The following EXOC4 variants were observed in gnomAD, a reference collection of about 807,000 sequenced individuals.
EXOC4 encodes the protein SEC8-like 1.
Under a neutral mutation model 107.2 loss-of-function variants are expected in EXOC4, and 71 were observed. The observed-to-expected ratio is 0.66, with a 90% confidence interval of 0.55 to 0.81. The LOEUF (loss-of-function observed/expected upper bound fraction) is 0.81. EXOC4 is among the 30% of genes least tolerant of loss of function. EXOC4 has a pLI of 0.00. For synonymous variants in EXOC4, 456 were observed against 441.2 expected (o/e 1.03, Z -0.42); for missense variants, 1,108 against 1,189.6 (o/e 0.93, Z 1.01).
At chr7:134,040,457 G>A (rs571571680) in intron 17 of EXOC4, among the ~76,000 whole-genome samples, 5 of 151,990 alleles carry the variant, frequency 3.3e-5, no homozygotes, top group Non-Finnish European at 7.4e-5. Flanking sequence ...AAAACACATC[G>A]CACTCCCACC....
intron 17 of EXOC4, among the ~76,000 whole-genome samples, chr7:134,026,793 G>T (rs896392771): frequency 6.7e-6 from 1 of 150,296 alleles, no homozygotes; most frequent in African/African-American, 2.5e-5. Flanking sequence ...TTTGAAAAAG[G>T]TAAGATTTAG....
chr7:133,736,243 T>C (rs1795442793), intron 10 of EXOC4, among the ~76,000 whole-genome samples: 1 of 152,236 alleles, frequency 6.6e-6, no homozygotes, highest in East Asian at 1.9e-4. Context: ...AACAGTAGGC[T>C]GTGTTCCTTT....
chr7:134,077,932 G>A, the EXOC4 span, among the ~76,000 whole-genome samples: 1 of 152,180 alleles, frequency 6.6e-6, no homozygotes, highest in Non-Finnish European at 1.5e-5. Flanking sequence ...TAAAACAAAG[G>A]AAAATTTGTT....
rs74870771 is a variant in EXOC4, at chr7:133,956,267, A to G, written c.2206+18198A>G. Among the ~76,000 whole-genome samples the G allele has an allele frequency of 4.3e-3, 658 of 152,312 alleles. 6 individuals are homozygous for G. The highest frequency in any genetic ancestry group is 0.017 in the Middle Eastern group (5 of 294). On this transcript the variant is annotated intron_variant, in intron 14 of 17. Transcript: ENST00000253861. ...CATAATTAGGAGTTTAGCAGTCTCC[A>G]GATTCTTTCCATAAAACTTAAAGTA... is the stretch of plus-strand genomic sequence containing the variant.
intron 5 of EXOC4, among the ~76,000 whole-genome samples, chr7:133,339,544 A>C (rs577588149): frequency 6.6e-6 from 1 of 152,202 alleles, no homozygotes; most frequent in South Asian, 2.1e-4. Context: ...AGTTCTGTGA[A>C]GAATGATGGT....
At chr7:133,995,029 A>G (rs950032649) in intron 14 of EXOC4, among the ~76,000 whole-genome samples, 1 of 152,126 alleles carries the variant, frequency 6.6e-6, no homozygotes, top group Admixed American at 6.5e-5. Context: ...ATAATTTTTC[A>G]TGTTGCTTTA....
chr7:134,079,450 C>T, the EXOC4 span, among the ~76,000 whole-genome samples: 1 of 152,040 alleles, frequency 6.6e-6, no homozygotes, highest in Non-Finnish European at 1.5e-5. Flanking sequence ...CCCATAAAGT[C>T]TTACCAGCCC....
intron 13 of EXOC4, among the ~76,000 whole-genome samples, chr7:133,919,527 A>G (rs1437149123): frequency 6.6e-6 from 1 of 152,036 alleles, no homozygotes; most frequent in South Asian, 2.1e-4. Context: ...TGTTCCTCCT[A>G]TTCATCCCTC....
chr7:133,855,104 A>AATATATATAAATAT lies in EXOC4; in HGVS notation c.1734+37584_1734+37597dup, dbSNP rs1242512444. On this transcript the variant is annotated intron_variant, in intron 11 of 17. Coordinates refer to ENST00000253861, the MANE Select transcript of EXOC4 (RefSeq NM_021807.4). Reference sequence around the variant, plus strand: ...CTAAATATATATAAATATATATATAAATATATATAAATATATATATATAAA... The same window carrying AATATATATAAATAT: ...CTAAATATATATAAATATATATATAAATATATATAAATATATATATATAAATATATATATATAAA... Among the ~76,000 whole-genome samples, 3 of 61,908 alleles carry AATATATATAAATAT rather than the reference A, an allele frequency of 4.8e-5. No homozygotes were observed. The South Asian group carries it at 1.2e-3, about 26-fold the overall frequency. The allele number at this position is 61,908 out of a possible 152,430, so 40.6% of individuals were successfully genotyped here.
chr7:133,947,651 C>A (rs1446185053), intron 14 of EXOC4, among the ~76,000 whole-genome samples: 6 of 152,142 alleles, frequency 3.9e-5, no homozygotes, highest in Admixed American at 1.3e-4. Flanking sequence ...CAGTACCCCA[C>A]CCCCCTCCGT....
At chr7:133,640,291 C>T (rs926733001) in intron 10 of EXOC4, among the ~76,000 whole-genome samples, 23 of 152,116 alleles carry the variant, frequency 1.5e-4, no homozygotes, top group Non-Finnish European at 2.6e-4. Context: ...TAAATGGAAT[C>T]ATATAGTATG....
At chr7:133,928,304 T>G (rs1055766287) in intron 13 of EXOC4, among the ~76,000 whole-genome samples, 1 of 152,088 alleles carries the variant, frequency 6.6e-6, no homozygotes, top group Non-Finnish European at 1.5e-5. Context: ...CTGGGTAGGT[T>G]GCAGGCAGAA....
At chr7:133,755,310 A>AAT (rs1795890242) in intron 10 of EXOC4, among the ~76,000 whole-genome samples, 1 of 89,394 alleles carries the variant, frequency 1.1e-5, no homozygotes, top group Non-Finnish European at 2.2e-5. Context: ...TATTATATAT[A>AAT]TATTATATAT....
At chr7:134,034,613 C>A (rs1198234535) in intron 17 of EXOC4, among the ~76,000 whole-genome samples, 1 of 152,206 alleles carries the variant, frequency 6.6e-6, no homozygotes, top group Non-Finnish European at 1.5e-5. Context: ...GAACAGGGTG[C>A]CTTGCTTACC....
At chr7:133,338,351 T>C (rs1176424496) in intron 5 of EXOC4, among the ~76,000 whole-genome samples, 1 of 150,978 alleles carries the variant, frequency 6.6e-6, no homozygotes, top group African/African-American at 2.4e-5. Context: ...CCCAGCACTT[T>C]GGGAGGCCGA....
intron 9 of EXOC4, among the ~76,000 whole-genome samples, chr7:133,507,295 A>G (rs1343478025): frequency 6.6e-6 from 1 of 152,152 alleles, no homozygotes; most frequent in Non-Finnish European, 1.5e-5. Context: ...AAGTTACAAG[A>G]TTTCATTAAG....
chr7:133,313,684 G>A (rs955411163), intron 4 of EXOC4, among the ~76,000 whole-genome samples: 1 of 152,162 alleles, frequency 6.6e-6, no homozygotes, highest in African/African-American at 2.4e-5. Flanking sequence ...TTAAAAAACT[G>A]TTTTCGTATC....
intron 7 of EXOC4, among the ~76,000 whole-genome samples, chr7:133,404,982 G>A (rs1797184295): frequency 6.6e-6 from 1 of 150,796 alleles, no homozygotes; most frequent in Admixed American, 6.6e-5. Flanking sequence ...GCTGAAGAGG[G>A]AGGATCCCTT....
intron 1 of EXOC4, among the ~76,000 whole-genome samples, chr7:133,265,082 A>G (rs1236008217): frequency 1.3e-5 from 2 of 152,230 alleles, no homozygotes; most frequent in African/African-American, 2.4e-5. Context: ...TGTTGTAAAG[A>G]ATCACATCAG....
Sources: allele counts gnomAD v4.1 joint callset (sites outside exome capture counted in the v4.1 genomes callset), GRCh38; gene constraint gnomAD v4.1.1; transcripts MANE v1.5; gene names NCBI Gene and HGNC (gene_info 2026-07-23, HGNC 2026-07-21).